The following ZNF621 variants were observed in gnomAD, a reference collection of about 807,000 sequenced individuals.
The protein encoded by ZNF621 is zinc finger protein 621.
In ZNF621, 6 loss-of-function variants were observed where a neutral mutation model predicts 12.7. The ratio of observed to expected loss-of-function variants is 0.47; its 90% CI spans 0.26 to 0.93. ZNF621 has a LOEUF of 0.93. ZNF621 is among the 40% of genes least tolerant of loss of function. The pLI, the probability that ZNF621 is intolerant of heterozygous loss-of-function variation, is 0.15. For synonymous variants in ZNF621, 156 were observed against 190.3 expected, an observed-to-expected ratio of 0.82 and a Z score of 1.48; for missense variants, 474 against 524.0, an observed-to-expected ratio of 0.90 and a Z score of 0.93.
intron 2 of ZNF621, among the ~76,000 whole-genome samples, chr3:40,526,608 T>G (rs568922164): frequency 5.3e-5 from 8 of 152,320 alleles, no homozygotes; most frequent in African/African-American, 1.7e-4. Flanking sequence ...GAAAGCTGGA[T>G]GTACTCTAGA....
chr3:40,534,854 C>G lies in ZNF621; in HGVS notation c.*1764C>G, dbSNP rs1698825053. On this transcript the variant is annotated 3_prime_UTR_variant, in exon 5 of 5. Coordinates refer to ENST00000339296, the MANE Select transcript of ZNF621 (RefSeq NM_198484.5). ...GACTAAATGCAGTTCTTTGCCTTCT[C>G]TGTTCCTGCACCAAAAATGATCAGG... 6.6e-6 allele frequency: 1 copy of G among 152,230 alleles called. No individual in the cohort carries two copies. Among genetic ancestry groups the G allele is most frequent in the Admixed American group, 6.5e-5 (1 of 15,280 alleles). The allele number at this position is 152,230 out of a possible 1,614,324, so 9.4% of individuals were successfully genotyped here. A position where few individuals can be genotyped will look rare whatever the true frequency, so the allele number is the denominator to read the frequency against.
Position 40,535,242 on chromosome 3 carries a change from C to T in ZNF621, c.*2152C>T, listed in dbSNP as rs950720224. 1 of 152,198 alleles carries T rather than the reference C, an allele frequency of 6.6e-6. No homozygotes were observed. The highest frequency in any genetic ancestry group is 1.5e-5 in the Non-Finnish European group (1 of 68,042). The allele number at this position is 152,198 out of a possible 1,614,324, so 9.4% of individuals were successfully genotyped here. A position where few individuals can be genotyped will look rare whatever the true frequency, so the allele number is the denominator to read the frequency against. On this transcript the variant is annotated 3_prime_UTR_variant, in exon 5 of 5. Transcript: ENST00000339296. The stretch of plus-strand genomic sequence containing the variant: ...CACCTTGCCGTATCTGATTCTTCAC[C>T]ACCGTATTCTCAGTCACTTCCACTA...
intron 2 of ZNF621, 110 bp downstream of exon 2, chr3:40,525,974 T>C: frequency 3.1e-6 from 4 of 1,272,488 alleles, no homozygotes; most frequent in Non-Finnish European, 4.4e-6. Flanking sequence ...GGCCAAGCTG[T>C]GTTTTCCCCT....
At position 40,531,502 on chromosome 3, in the gene ZNF621, G is replaced by A. The variant is rs555898749; in HGVS notation, c.260-528G>A. Among the ~76,000 whole-genome samples, 228 of 152,142 alleles carry A rather than the reference G, an allele frequency of 1.5e-3. 1 individual carries two copies. The highest frequency in any genetic ancestry group is 2.4e-3 in the Non-Finnish European group (160 of 67,996). On this transcript the variant is annotated intron_variant, in intron 4 of 4. Coordinates refer to ENST00000339296, the MANE Select transcript of ZNF621 (RefSeq NM_198484.5). ...AATTTTCCAGCCTTCCTCGTGGGGA[G>A]CACTTCCTGGCTATCTTTCCTGTTC...
At position 40,525,788 on chromosome 3, in the gene ZNF621, A is replaced by T; in HGVS notation, c.-53A>T. 1 of 1,614,084 alleles carries T rather than the reference A, an allele frequency of 6.2e-7. No homozygotes were observed. The highest frequency in any genetic ancestry group is 8.5e-7 in the Non-Finnish European group (1 of 1,179,976). ...GCTCTTTTTCTCTTAGCTCTTGAGG[A>T]TCTTGCTTGTCCAAACCCAGAAGAC... is the stretch of plus-strand genomic sequence containing the variant. On this transcript the variant is annotated 5_prime_UTR_variant, in exon 2 of 5. Coordinates refer to ENST00000339296, the MANE Select transcript of ZNF621 (RefSeq NM_198484.5).
At chr3:40,531,979 T>C (rs1431947055) in intron 4 of ZNF621, 51 bp from the exon 5 acceptor site, 3 of 1,512,860 alleles carry the variant, frequency 2.0e-6, no homozygotes, top group South Asian at 2.5e-5. Flanking sequence ...CACTGGATCC[T>C]ACTTTTCTTC....
At chr3:40,523,592 C>T (rs903495118), upstream of ZNF621, among the ~76,000 whole-genome samples, 3 of 151,982 alleles carry the variant, frequency 2.0e-5, no homozygotes, top group Admixed American at 6.6e-5. Context: ...GGTGAAAACC[C>T]GTCTCTACTA....
At position 40,532,597 on chromosome 3, in the gene ZNF621, C is replaced by G. The variant is rs1183509855; in HGVS notation, c.827C>G (p.Ser276Ter). ...KECWKAFGCR[S>*]LFIVHQRIHT... ...TGTTGGAAAGCTTTCGGTTGTAGGT[C>G]ACTTTTTATTGTCCATCAGAGAATT... The change falls in exon 5 of 5, where the codon TCA becomes TGA. Residue 276 changes from serine to a stop codon, truncating the protein, a stop_gained. Coordinates refer to ENST00000339296, the MANE Select transcript of ZNF621 (RefSeq NM_198484.5). LOFTEE classifies it low-confidence loss of function (END_TRUNC). 1.9e-6 allele frequency: 3 copies of G among 1,613,812 alleles called. No individual in the cohort carries two copies. In the African/African-American group the frequency reaches 4.0e-5, roughly 22 times the overall value.
intron 1 of ZNF621, 128 bp downstream of exon 1, chr3:40,525,402 A>C (rs895417679): frequency 8.6e-6 from 2 of 231,636 alleles, no homozygotes; most frequent in Non-Finnish European, 1.7e-5. Context: ...ATCCGCATTC[A>C]GCCACCCCAG....
rs1698886466 is a variant in ZNF621 at position 40,537,098 on chromosome 3, T to C, written c.*4008T>C. On this transcript the variant is annotated 3_prime_UTR_variant, in exon 5 of 5. Coordinates refer to ENST00000339296, the MANE Select transcript of ZNF621 (RefSeq NM_198484.5). ...ATTGAAATTAGACCAATTGATAACC[T>C]TACAAACACCTTTAAGTGTTTAAGT... The C allele has an allele frequency of 6.6e-6, 1 of 152,182 alleles. No homozygotes were observed. Among genetic ancestry groups the C allele is most frequent in the African/African-American group, 2.4e-5 (1 of 41,430 alleles). 9.4% of individuals were successfully genotyped at this position (152,182 alleles called of 1,614,324 possible). A position where few individuals can be genotyped will look rare whatever the true frequency, so the allele number is the denominator to read the frequency against.
intron 2 of ZNF621, among the ~76,000 whole-genome samples, chr3:40,526,351 A>T (rs1231735843): frequency 6.6e-6 from 1 of 152,108 alleles, no homozygotes; most frequent in Admixed American, 6.5e-5. Context: ...TTGTATTTTT[A>T]GTAGAGACGG....
At position 40,533,517 on chromosome 3, in the gene ZNF621, A is replaced by G. The variant is rs1698789731; in HGVS notation, c.*427A>G. The G allele has an allele frequency of 5.6e-6, 1 of 180,162 alleles. No individual in the cohort carries two copies. 11.2% of individuals were successfully genotyped at this position (180,162 alleles called of 1,614,324 possible). A position where few individuals can be genotyped will look rare whatever the true frequency, so the allele number is the denominator to read the frequency against. On this transcript the variant is annotated 3_prime_UTR_variant, in exon 5 of 5. Coordinates refer to ENST00000339296, the MANE Select transcript of ZNF621 (RefSeq NM_198484.5). ...TAACAGCTGTTTCAACATAAACTCCATTATAATCTATATACATTTAAAGAC... is the reference window on the plus strand; with the variant it reads ...TAACAGCTGTTTCAACATAAACTCCGTTATAATCTATATACATTTAAAGAC...
rs1698801953 is a variant in ZNF621, at chr3:40,533,929, G to GT, written c.*840dup. 6.6e-6 allele frequency: 1 copy of GT among 150,738 alleles called. No individual in the cohort carries two copies. The highest frequency in any genetic ancestry group is 1.5e-5 in the Non-Finnish European group (1 of 67,648). The allele number at this position is 150,738 out of a possible 1,614,324, so 9.3% of individuals were successfully genotyped here. A position where few individuals can be genotyped will look rare whatever the true frequency, so the allele number is the denominator to read the frequency against. ...TGAAAAAGATAATGTGAAATAAACA[G>GT]TAAAAAAAAAAAGTATGTTGATGGC... On this transcript the variant is annotated 3_prime_UTR_variant, in exon 5 of 5. Transcript: ENST00000339296.
In ZNF621 at chr3:40,539,526, G is replaced by A. The variant is rs1435676862; in HGVS notation, c.*6436G>A. The A allele has an allele frequency of 1.3e-5, 2 of 152,132 alleles. No individual in the cohort carries two copies. Among genetic ancestry groups the A allele is most frequent in the African/African-American group, 4.8e-5 (2 of 41,428 alleles). 9.4% of individuals were successfully genotyped at this position (152,132 alleles called of 1,614,324 possible). A position where few individuals can be genotyped will look rare whatever the true frequency, so the allele number is the denominator to read the frequency against. ...TTAAACATAACTTTTATAGGTACTG[G>A]AAAATAAAAATAATTGTGTGACTCC... On this transcript the variant is annotated 3_prime_UTR_variant, in exon 5 of 5. Coordinates refer to ENST00000339296, the MANE Select transcript of ZNF621 (RefSeq NM_198484.5).
chr3:40,524,462 C>T (rs1265779276), upstream of ZNF621, among the ~76,000 whole-genome samples: 1 of 152,196 alleles, frequency 6.6e-6, no homozygotes, highest in Non-Finnish European at 1.5e-5. Flanking sequence ...CTAAAAGGTT[C>T]TACGCACATC....
upstream of ZNF621, among the ~76,000 whole-genome samples, chr3:40,524,720 G>A (rs139197288): frequency 2.0e-5 from 3 of 152,318 alleles, no homozygotes; most frequent in African/African-American, 4.8e-5. Flanking sequence ...TCTCGGTAGA[G>A]CCAGGCTGTA....
rs373031062 is a variant in ZNF621 at position 40,529,451 on chromosome 3, G to A, written c.151+6G>A. On this transcript the variant is annotated splice_donor_region_variant and intron_variant, in intron 3 of 4. Coordinates refer to ENST00000339296, the MANE Select transcript of ZNF621 (RefSeq NM_198484.5). ...TGCAAATGTGGCTTCTCTGGGTAAG[G>A]CCTCCCTCTGTGGCCCTTTGTAACA... 1.9e-6 allele frequency: 3 copies of A among 1,612,482 alleles called. No homozygotes were observed. The highest frequency in any genetic ancestry group is 2.7e-5 in the African/African-American group (2 of 75,000).
At chr3:40,528,709 T>C (rs1199308348) in intron 2 of ZNF621, among the ~76,000 whole-genome samples, 1 of 152,264 alleles carries the variant, frequency 6.6e-6, no homozygotes, top group Non-Finnish European at 1.5e-5. Flanking sequence ...AGGTATGTAG[T>C]GGTGTCTCAC....
chr3:40,533,904 T>C lies in ZNF621; in HGVS notation c.*814T>C, dbSNP rs1698801303. 6.6e-6 allele frequency: 1 copy of C among 152,356 alleles called. No individual in the cohort carries two copies. Among genetic ancestry groups the C allele is most frequent in the African/African-American group, 2.4e-5 (1 of 41,322 alleles). 9.4% of individuals were successfully genotyped at this position (152,356 alleles called of 1,614,324 possible). A position where few individuals can be genotyped will look rare whatever the true frequency, so the allele number is the denominator to read the frequency against. On this transcript the variant is annotated 3_prime_UTR_variant, in exon 5 of 5. Coordinates refer to ENST00000339296, the MANE Select transcript of ZNF621 (RefSeq NM_198484.5). Reference sequence around the variant, plus strand: ...GATCTTTGAGAATCTCATACATCTGTGAAAAAGATAATGTGAAATAAACAG... The same window carrying C: ...GATCTTTGAGAATCTCATACATCTGCGAAAAAGATAATGTGAAATAAACAG...
Sources: allele counts gnomAD v4.1 joint callset (sites outside exome capture counted in the v4.1 genomes callset), GRCh38; gene constraint gnomAD v4.1.1; transcripts MANE v1.5; gene names NCBI Gene and HGNC (gene_info 2026-07-23, HGNC 2026-07-21).